Variants in CNTN3 observed in about 807,000 individuals in gnomAD.
The protein encoded by CNTN3 is contactin 3.
In CNTN3, 60 loss-of-function variants were observed where a neutral mutation model predicts 119.1. The observed-to-expected ratio is 0.50, with a 90% CI of 0.41 to 0.62. CNTN3 has a LOEUF of 0.62. CNTN3 is among the 20% of genes least tolerant of loss of function. The pLI is 0.00. For missense variants in CNTN3, 1,101 were observed against 1,242.4 expected (o/e 0.89, Z 1.71); for synonymous variants, 450 against 438.7 (o/e 1.03, Z -0.32).
chr3:74,544,434 G>A (rs1382111628), intron 1 of CNTN3, among the ~76,000 whole-genome samples: 1 of 152,124 alleles, frequency 6.6e-6, no homozygotes, highest in African/African-American at 2.4e-5. Context: ...AAGATTTAAT[G>A]ATGTACAGAT....
At chr3:74,445,888 T>C (rs1419491241) in intron 4 of CNTN3, among the ~76,000 whole-genome samples, 3 of 152,124 alleles carry the variant, frequency 2.0e-5, no homozygotes, top group African/African-American at 7.2e-5. Flanking sequence ...GGCTGCCACG[T>C]AGGACTTCAC....
At chr3:74,564,542 A>G (rs1172487665) in intron 1 of CNTN3, among the ~76,000 whole-genome samples, 1 of 151,062 alleles carries the variant, frequency 6.6e-6, no homozygotes, top group Non-Finnish European at 1.5e-5. Flanking sequence ...CTGTTTCAAT[A>G]AGCCATTCAT....
intron 1 of CNTN3, among the ~76,000 whole-genome samples, chr3:74,527,044 C>A (rs1211298434): frequency 1.3e-5 from 2 of 151,758 alleles, no homozygotes; most frequent in Non-Finnish European, 2.9e-5. Flanking sequence ...AAAATAATTT[C>A]TTTTACATAG....
chr3:74,450,677 A>AAC (rs1702135299), intron 4 of CNTN3, among the ~76,000 whole-genome samples: 2 of 84,660 alleles, frequency 2.4e-5, no homozygotes, highest in Non-Finnish European at 4.4e-5. Context: ...CCCACCCCAC[A>AAC]ACACTCCCCA....
chr3:74,458,100 T>C (rs1702302278), intron 4 of CNTN3, among the ~76,000 whole-genome samples: 2 of 152,004 alleles, frequency 1.3e-5, no homozygotes, highest in Non-Finnish European at 2.9e-5. Context: ...CCTCAGTCAA[T>C]CTATCAGCAA....
chr3:74,438,291 T>C (rs1008485922), intron 4 of CNTN3, among the ~76,000 whole-genome samples: 1 of 152,214 alleles, frequency 6.6e-6, no homozygotes, highest in Non-Finnish European at 1.5e-5. Context: ...CTCTCTGTGA[T>C]TTTGCACAAA....
intron 1 of CNTN3, among the ~76,000 whole-genome samples, chr3:74,612,389 T>C (rs1705098278): frequency 6.6e-6 from 1 of 152,222 alleles, no homozygotes; most frequent in Non-Finnish European, 1.5e-5. Flanking sequence ...AATGCTTTGT[T>C]GCCATTTTAA....
At chr3:74,314,785 C>T (rs754719386) in intron 13 of CNTN3, among the ~76,000 whole-genome samples, 10 of 152,164 alleles carry the variant, frequency 6.6e-5, no homozygotes, top group Non-Finnish European at 1.5e-4. Context: ...TCAACAGTAC[C>T]TTCAATCAAT....
At chr3:74,583,575 T>C (rs73842132) in intron 1 of CNTN3, among the ~76,000 whole-genome samples, 7,107 of 152,150 alleles carry the variant, frequency 0.047, 203 homozygotes, top group African/African-American at 0.079. Flanking sequence ...ACTGGGGAGA[T>C]AGAATTGACT....
intron 13 of CNTN3, among the ~76,000 whole-genome samples, chr3:74,334,342 C>G (rs963098850): frequency 6.6e-6 from 1 of 152,154 alleles, no homozygotes; most frequent in Non-Finnish European, 1.5e-5. Flanking sequence ...CCTGGCCTGA[C>G]ACATTAATTG....
chr3:74,534,591 G>T (rs558061997), intron 1 of CNTN3, among the ~76,000 whole-genome samples: 1 of 152,092 alleles, frequency 6.6e-6, no homozygotes, highest in East Asian at 2.0e-4. Flanking sequence ...AAGTAGAATA[G>T]AACAGAAACT....
chr3:74,393,683 C>T (rs745500697), intron 5 of CNTN3, among the ~76,000 whole-genome samples: 15 of 152,172 alleles, frequency 9.9e-5, no homozygotes, highest in Admixed American at 2.0e-4. Flanking sequence ...GGCTGAAACA[C>T]AGAGGGAAAT....
intron 13 of CNTN3, among the ~76,000 whole-genome samples, chr3:74,330,368 A>T (rs1359250750): frequency 6.6e-6 from 1 of 152,034 alleles, no homozygotes; most frequent in Non-Finnish European, 1.5e-5. Flanking sequence ...AAAAAAAAAA[A>T]AAGTTTCTAT....
rs558794794 is a variant in CNTN3 at position 74,552,523 on chromosome 3, T to A, written c.-80-31331A>T. Among the ~76,000 whole-genome samples, 8 of 152,338 alleles carry A rather than the reference T, an allele frequency of 5.3e-5. No individual in the cohort carries two copies. The South Asian group carries it at 1.7e-3, about 32-fold the overall frequency. ...TATGTGTGGTGACATCTTGCTGCTG[T>A]TTTAATTTGAAATTTTCTCTGGCAT... is the stretch of plus-strand genomic sequence containing the variant. On this transcript the variant is annotated intron_variant, in intron 1 of 22. Coordinates refer to ENST00000263665, the MANE Select transcript of CNTN3 (RefSeq NM_020872.3).
chr3:74,368,088 A>G (rs1704242321), intron 8 of CNTN3, among the ~76,000 whole-genome samples: 1 of 152,172 alleles, frequency 6.6e-6, no homozygotes, highest in Non-Finnish European at 1.5e-5. Flanking sequence ...AAGCAACAAG[A>G]TGGGAGAGTT....
intron 1 of CNTN3, among the ~76,000 whole-genome samples, chr3:74,529,609 T>C (rs1003102869): frequency 2.0e-5 from 3 of 151,946 alleles, no homozygotes; most frequent in Non-Finnish European, 4.4e-5. Context: ...CCACAAAAAT[T>C]TGTAAAATCA....
chr3:74,332,709 G>A (rs533278238), intron 13 of CNTN3, among the ~76,000 whole-genome samples: 8 of 152,280 alleles, frequency 5.3e-5, no homozygotes, highest in South Asian at 2.1e-4. Context: ...CAGAGGAACC[G>A]TATTGGATAA....
intron 18 of CNTN3, among the ~76,000 whole-genome samples, chr3:74,296,159 G>A (rs1575704991): frequency 6.6e-6 from 1 of 152,134 alleles, no homozygotes; most frequent in African/African-American, 2.4e-5. Context: ...TTTCACAGAA[G>A]TCTTTTGCTT....
intron 1 of CNTN3, among the ~76,000 whole-genome samples, chr3:74,562,962 T>C (rs1284202266): frequency 4.6e-5 from 7 of 152,170 alleles, no homozygotes; most frequent in Non-Finnish European, 5.9e-5. Context: ...TGCGAAGAGA[T>C]AATGCCCATT....
Sources: gnomAD v4.1 joint callset for allele counts (sites outside exome capture counted in the v4.1 genomes callset) on GRCh38, gnomAD v4.1.1 for gene constraint, MANE v1.5 for transcripts, NCBI Gene and HGNC (gene_info 2026-07-23, HGNC 2026-07-21) for gene names.